Variants in TSHZ3 observed in about 807,000 individuals in gnomAD.
The protein encoded by TSHZ3 is teashirt zinc finger homeobox 3.
A neutral mutation model predicts 64.5 loss-of-function variants in TSHZ3; 10 were observed. That is an observed-to-expected ratio of 0.16 (90% CI 0.10 to 0.26). The LOEUF (loss-of-function observed/expected upper bound fraction) is 0.26. Among genes scored for constraint, TSHZ3 ranks in the 10% least tolerant of loss-of-function variants. TSHZ3 has a pLI of 1.00. For synonymous variants in TSHZ3, 608 were observed against 593.1 expected, an observed-to-expected ratio of 1.03 and a Z score of -0.36; for missense variants, 1,242 against 1,421.7, an observed-to-expected ratio of 0.87 and a Z score of 2.03.
chr19:31,232,140 G>A (rs771239888), intron 3 of TSHZ3, among the ~76,000 whole-genome samples: 7 of 152,218 alleles, frequency 4.6e-5, no homozygotes, highest in Middle Eastern at 3.4e-3. Flanking sequence ...CTGGGGGAGC[G>A]TCTGTAAGAT....
At chr19:31,161,204 A>T (rs533122462) in intron 5 of TSHZ3, among the ~76,000 whole-genome samples, 73 of 152,302 alleles carry the variant, frequency 4.8e-4, no homozygotes, top group African/African-American at 1.6e-3. Context: ...AAAACATTTT[A>T]AAAATTATTT....
chr19:31,277,653 G>T lies in TSHZ3; in HGVS notation c.2140C>A (p.Pro714Thr), dbSNP rs992373563. 3 of 1,536,928 alleles carry T rather than the reference G, an allele frequency of 2.0e-6. No homozygotes were observed. Among genetic ancestry groups the T allele is most frequent in the East Asian group, 2.3e-5 (1 of 44,222 alleles). ...GSTAIITDHP[P>T]EQPFVNPLSA... ...AAAGGGTTAACAAAAGGCTGTTCAGGCGGGTGGTCGGTGATGATGGCCGTG... is the reference window on the plus strand; with the variant it reads ...AAAGGGTTAACAAAAGGCTGTTCAGTCGGGTGGTCGGTGATGATGGCCGTG... Residue 714 changes from proline (P) to threonine (T), a missense_variant, in exon 2 of 2, where the codon CCT becomes ACT. Physicochemically the swap from Pro to Thr is conservative, Grantham distance 38 (BLOSUM62 -1). Transcript: ENST00000240587. The surrounding 1 kb of genome is among the most constrained non-coding windows in gnomAD (Gnocchi z 4.5).
intron 4 of TSHZ3, among the ~76,000 whole-genome samples, chr19:31,225,489 C>G (rs573844981): frequency 6.6e-6 from 1 of 152,198 alleles, no homozygotes; most frequent in Non-Finnish European, 1.5e-5. Flanking sequence ...ATCTTATGGC[C>G]TCAAACCCCA....
chr19:31,167,286 C>T (rs1403969623), intron 5 of TSHZ3, among the ~76,000 whole-genome samples: 1 of 152,196 alleles, frequency 6.6e-6, no homozygotes, highest in African/African-American at 2.4e-5. Flanking sequence ...TTTTGTATTT[C>T]TCTTTCAAAA....
chr19:31,256,655 C>A (rs1975914993), intron 1 of TSHZ3, among the ~76,000 whole-genome samples: 1 of 152,204 alleles, frequency 6.6e-6, no homozygotes, highest in Non-Finnish European at 1.5e-5. Context: ...ATGTGCCAGG[C>A]ACAGAGAAGT....
chr19:31,152,863 G>A (rs1057332953), intron 6 of TSHZ3, among the ~76,000 whole-genome samples: 1 of 152,266 alleles, frequency 6.6e-6, no homozygotes. Context: ...TTGAATGGAA[G>A]CAACTCAAAG....
At chr19:31,345,397 C>T (rs1917559204) in intron 1 of TSHZ3, among the ~76,000 whole-genome samples, 1 of 152,196 alleles carries the variant, frequency 6.6e-6, no homozygotes, top group Non-Finnish European at 1.5e-5. Flanking sequence ...ATGTGTGGAC[C>T]AGACTTAGGA....
At chr19:31,223,304 ATGTGTATACCTTCTCCCAGGTAGGTC>A (rs1975415032) in intron 4 of TSHZ3, among the ~76,000 whole-genome samples, 2 of 151,832 alleles carry the variant, frequency 1.3e-5, no homozygotes, top group African/African-American at 4.8e-5. Flanking sequence ...GTGGGGCCTC[ATGTGTATACCTTCTCCCAGGTAGGTC>A]TGTGAATGAT....
At chr19:31,246,257 T>C (rs1419878375) in intron 1 of TSHZ3, among the ~76,000 whole-genome samples, 2 of 152,214 alleles carry the variant, frequency 1.3e-5, no homozygotes, top group African/African-American at 4.8e-5. Context: ...TCTGGAAAGA[T>C]TCATACCAAA....
At chr19:31,271,180 G>A (rs1348622206), downstream of TSHZ3, among the ~76,000 whole-genome samples, 1 of 152,108 alleles carries the variant, frequency 6.6e-6, no homozygotes. Context: ...GCAGGGCAGG[G>A]GATATAGTTC....
intron 4 of TSHZ3, among the ~76,000 whole-genome samples, chr19:31,219,634 T>C (rs1305719264): frequency 6.6e-6 from 1 of 151,944 alleles, no homozygotes; most frequent in Non-Finnish European, 1.5e-5. Flanking sequence ...TTAATTTTAT[T>C]TAATTTTTTA....
intron 1 of TSHZ3, among the ~76,000 whole-genome samples, chr19:31,326,495 T>G (rs1599650297): frequency 1.3e-5 from 2 of 152,258 alleles, no homozygotes; most frequent in African/African-American, 4.8e-5. Context: ...TGTGTGTGCA[T>G]GTGCACACGT....
chr19:31,230,658 G>T (rs1244417210), intron 3 of TSHZ3, among the ~76,000 whole-genome samples: 2 of 147,162 alleles, frequency 1.4e-5, no homozygotes, highest in African/African-American at 2.5e-5. Context: ...CCTGGAGTCA[G>T]CAGCCCCATC....
chr19:31,222,648 T>G (rs1975406616), intron 4 of TSHZ3, among the ~76,000 whole-genome samples: 1 of 152,222 alleles, frequency 6.6e-6, no homozygotes, highest in Non-Finnish European at 1.5e-5. Flanking sequence ...CTTTTCTGTA[T>G]CTTCTACGGG....
At chr19:31,310,268 G>A (rs1347127631) in intron 1 of TSHZ3, among the ~76,000 whole-genome samples, 2 of 152,156 alleles carry the variant, frequency 1.3e-5, no homozygotes, top group African/African-American at 4.8e-5. Context: ...CAGAAGTGAA[G>A]ATGAAGAGTC....
chr19:31,284,566 C>T (rs1470242895), intron 1 of TSHZ3, among the ~76,000 whole-genome samples: 3 of 152,194 alleles, frequency 2.0e-5, no homozygotes, highest in East Asian at 3.9e-4. Flanking sequence ...ACCAAGATCT[C>T]TCATTCCTTA....
At chr19:31,234,947 A>G (rs1006415187) in intron 3 of TSHZ3, among the ~76,000 whole-genome samples, 5 of 152,180 alleles carry the variant, frequency 3.3e-5, no homozygotes, top group African/African-American at 1.2e-4. Context: ...TTCTTTTGTA[A>G]ATCTGTGATA....
At chr19:31,163,597 C>T (rs930265525) in intron 5 of TSHZ3, among the ~76,000 whole-genome samples, 4 of 152,088 alleles carry the variant, frequency 2.6e-5, no homozygotes, top group African/African-American at 4.8e-5. Context: ...CAGGCCTGGT[C>T]GCGCTTGCCT....
chr19:31,159,192 G>A (rs989345651), intron 5 of TSHZ3, among the ~76,000 whole-genome samples: 9 of 152,106 alleles, frequency 5.9e-5, no homozygotes, highest in Non-Finnish European at 4.4e-5. Context: ...TGGAGATGGG[G>A]GTTTCACCAT....
Sources: allele counts gnomAD v4.1 joint callset (sites outside exome capture counted in the v4.1 genomes callset), GRCh38; gene constraint gnomAD v4.1.1; non-coding constraint Gnocchi (gnomAD v3.1); transcripts MANE v1.5; gene names NCBI Gene and HGNC (gene_info 2026-07-23, HGNC 2026-07-21).